Variants in FSTL1 observed in about 807,000 individuals in gnomAD.
FSTL1 encodes the protein follistatin-related protein 1.
A neutral mutation model predicts 45.9 loss-of-function variants in FSTL1; 24 were observed. That is an observed-to-expected ratio of 0.52 (90% CI 0.38 to 0.74). The LOEUF is 0.74. FSTL1 is among the 30% of genes least tolerant of loss of function. The probability of loss-of-function intolerance (pLI) is 0.00; values close to 1 mark genes in which losing one functional copy is unlikely to be tolerated. For missense variants in FSTL1, 340 were observed against 381.8 expected (o/e 0.89, Z 0.91); for synonymous variants, 120 against 137.6 (o/e 0.87, Z 0.89).
chr3:120,399,779 CAG>C lies in FSTL1; in HGVS notation c.882+102_882+103del, dbSNP rs1005183631. On this transcript the variant is annotated intron_variant, in intron 10 of 10. Coordinates refer to ENST00000295633, the MANE Select transcript of FSTL1 (RefSeq NM_007085.5). Reference sequence around the variant, plus strand: ...ATCACTCAAGATGTACTGTATTGAGCAGAGAGAGCCTCCTTGGTCTCCTGGGG... The same window carrying C: ...ATCACTCAAGATGTACTGTATTGAGCAGAGAGCCTCCTTGGTCTCCTGGGG... 17 of 724,540 alleles carry C rather than the reference CAG, an allele frequency of 2.3e-5. 1 individual carries two copies. The Admixed American group carries it at 3.3e-4, about 14-fold the overall frequency. 44.9% of individuals were successfully genotyped at this position (724,540 alleles called of 1,614,324 possible).
intron 4 of FSTL1, 70 bp downstream of exon 4, chr3:120,411,784 A>T: frequency 1.4e-6 from 2 of 1,390,250 alleles, no homozygotes; most frequent in Non-Finnish European, 2.0e-6. Context: ...GTGGTCAGCC[A>T]GGCCACACTG....
chr3:120,424,621 G>T (rs1370683888), intron 2 of FSTL1, among the ~76,000 whole-genome samples: 1 of 151,654 alleles, frequency 6.6e-6, no homozygotes, highest in African/African-American at 2.4e-5. Flanking sequence ...GAACAGGCCT[G>T]GGGTGATGAC....
Position 120,395,707 on chromosome 3 carries a change from C to G in FSTL1, c.*1245G>C. 1.9e-6 allele frequency: 1 copy of G among 534,612 alleles called. No individual in the cohort carries two copies. Among genetic ancestry groups the G allele is most frequent in the South Asian group, 1.4e-5 (1 of 71,568 alleles). 33.1% of individuals were successfully genotyped at this position (534,612 alleles called of 1,614,324 possible). ...GAGAAGAAGGAAAAATCACAGGAAC[C>G]TATCTCCCCTCTGGACCAATGATCA... On this transcript the variant is annotated 3_prime_UTR_variant, in exon 11 of 11. Transcript: ENST00000295633.
chr3:120,397,474 C>T (rs989184232), intron 10 of FSTL1, among the ~76,000 whole-genome samples: 1 of 152,162 alleles, frequency 6.6e-6, no homozygotes, highest in Admixed American at 6.5e-5. Context: ...TAATAAAGTA[C>T]CATCTCTTAC....
chr3:120,396,692 A>C lies in FSTL1; in HGVS notation c.*260T>G. ...TCTGTTCCTCTTTCAATCGTGATGC[A>C]GTTTCCTTACTAGCCTCCAGCCCCA... is the stretch of plus-strand genomic sequence containing the variant. On this transcript the variant is annotated 3_prime_UTR_variant, in exon 11 of 11. Transcript: ENST00000295633. 8.6e-6 allele frequency: 4 copies of C among 463,720 alleles called. No homozygotes were observed. Among genetic ancestry groups the C allele is most frequent in the Non-Finnish European group, 1.5e-5 (4 of 260,982 alleles). 28.7% of individuals were successfully genotyped at this position (463,720 alleles called of 1,614,324 possible).
chr3:120,431,940 G>A (rs1385782907), intron 2 of FSTL1, among the ~76,000 whole-genome samples: 3 of 152,162 alleles, frequency 2.0e-5, no homozygotes, highest in Non-Finnish European at 4.4e-5. Context: ...TGTTTTCAAT[G>A]CCTGTGGACA....
intron 2 of FSTL1, chr3:120,421,696 G>C (rs1475567142): frequency 6.6e-6 from 1 of 152,234 alleles, no homozygotes; most frequent in Non-Finnish European, 1.5e-5. Flanking sequence ...CAGAGGAGGA[G>C]GGACTGGTGA....
At chr3:120,442,788 GAAAA>G (rs749297340) in intron 2 of FSTL1, among the ~76,000 whole-genome samples, 4 of 53,264 alleles carry the variant, frequency 7.5e-5, no homozygotes, top group African/African-American at 3.1e-4. Flanking sequence ...TCTCAAAAAA[GAAAA>G]AAAAAAAAAA....
chr3:120,433,773 G>A (rs1029926094), intron 2 of FSTL1, among the ~76,000 whole-genome samples: 3 of 152,184 alleles, frequency 2.0e-5, no homozygotes, highest in African/African-American at 7.2e-5. Context: ...TGAAGGATGA[G>A]AGCAATTCAG....
At chr3:120,438,807 C>T (rs1002333829) in intron 2 of FSTL1, among the ~76,000 whole-genome samples, 3 of 152,004 alleles carry the variant, frequency 2.0e-5, no homozygotes, top group African/African-American at 7.2e-5. Context: ...AATGGAGGTT[C>T]GTTTGAAGCC....
At chr3:120,416,466 C>G (rs1161094796) in intron 2 of FSTL1, among the ~76,000 whole-genome samples, 1 of 152,096 alleles carries the variant, frequency 6.6e-6, no homozygotes. Flanking sequence ...AACAGGATCA[C>G]CAGGGAGCTG....
At chr3:120,437,282 G>C (rs917924724) in intron 2 of FSTL1, among the ~76,000 whole-genome samples, 5 of 152,178 alleles carry the variant, frequency 3.3e-5, no homozygotes, top group Admixed American at 1.3e-4. Flanking sequence ...TGTGGGATTA[G>C]GGAGGGAAAA....
At chr3:120,436,923 G>C (rs1937572056) in intron 2 of FSTL1, among the ~76,000 whole-genome samples, 1 of 152,156 alleles carries the variant, frequency 6.6e-6, no homozygotes, top group African/African-American at 2.4e-5. Context: ...TGTGAGCTCG[G>C]CTGGGCCACC....
At chr3:120,435,514 A>G (rs1209823598) in intron 2 of FSTL1, among the ~76,000 whole-genome samples, 1 of 152,152 alleles carries the variant, frequency 6.6e-6, no homozygotes, top group East Asian at 1.9e-4. Flanking sequence ...TTAGGCTTAC[A>G]ATTCCTAACT....
rs1461187438 is a variant in FSTL1 at position 120,395,710 on chromosome 3, T to A, written c.*1242A>T. The A allele has an allele frequency of 1.9e-6, 1 of 534,502 alleles. No homozygotes were observed. The highest frequency in any genetic ancestry group is 1.9e-5 in the African/African-American group (1 of 51,924). The allele number at this position is 534,502 out of a possible 1,614,324, so 33.1% of individuals were successfully genotyped here. On this transcript the variant is annotated 3_prime_UTR_variant, in exon 11 of 11. Coordinates refer to ENST00000295633, the MANE Select transcript of FSTL1 (RefSeq NM_007085.5). ...AAGAAGGAAAAATCACAGGAACCTATCTCCCCTCTGGACCAATGATCAGAA... is the reference window on the plus strand; with the variant it reads ...AAGAAGGAAAAATCACAGGAACCTAACTCCCCTCTGGACCAATGATCAGAA...
intron 2 of FSTL1, among the ~76,000 whole-genome samples, chr3:120,439,364 A>C (rs874478): frequency 6.6e-6 from 1 of 152,086 alleles, no homozygotes; most frequent in African/African-American, 2.4e-5. Flanking sequence ...TGACTTGTGC[A>C]ACAGCCCAAA....
rs771956604 is a variant in FSTL1, at chr3:120,395,698, C to T, written c.*1254G>A. The T allele has an allele frequency of 5.6e-6, 3 of 534,610 alleles. No individual in the cohort carries two copies. Among genetic ancestry groups the T allele is most frequent in the East Asian group, 1.1e-4 (2 of 18,350 alleles). 33.1% of individuals were successfully genotyped at this position (534,610 alleles called of 1,614,324 possible). On this transcript the variant is annotated 3_prime_UTR_variant, in exon 11 of 11. Transcript: ENST00000295633. ...TATTCTATAGAGAAGAAGGAAAAATCACAGGAACCTATCTCCCCTCTGGAC... is the reference window on the plus strand; with the variant it reads ...TATTCTATAGAGAAGAAGGAAAAATTACAGGAACCTATCTCCCCTCTGGAC...
At chr3:120,421,382 T>C (rs1319119271) in intron 2 of FSTL1, 2 of 152,186 alleles carry the variant, frequency 1.3e-5, no homozygotes, top group Admixed American at 1.3e-4. Flanking sequence ...GAATTAGTCA[T>C]GGAAACTTCA....
intron 2 of FSTL1, among the ~76,000 whole-genome samples, chr3:120,428,404 C>T (rs1192956853): frequency 6.6e-6 from 1 of 152,060 alleles, no homozygotes; most frequent in African/African-American, 2.4e-5. Context: ...ATCTGGGAGA[C>T]CCAGCATAGC....
Sources: allele counts gnomAD v4.1 joint callset (sites outside exome capture counted in the v4.1 genomes callset), GRCh38; gene constraint gnomAD v4.1.1; transcripts MANE v1.5; gene names NCBI Gene and HGNC (gene_info 2026-07-23, HGNC 2026-07-21).